PARG: variants seen among roughly 807,000 people sequenced by gnomAD.
PARG encodes the protein mitochondrial poly(ADP-ribose) glycohydrolase.
PARG carries 35 observed loss-of-function variants against 113.0 expected under a neutral mutation model. The observed-to-expected ratio is 0.31, with a 90% CI of 0.24 to 0.41. PARG has a LOEUF of 0.41. PARG is among the 10% of genes least tolerant of loss of function. PARG has a pLI of 1.00. For synonymous variants in PARG, 330 were observed against 409.9 expected, an observed-to-expected ratio of 0.81 and a Z score of 2.36; for missense variants, 797 against 1,169.4, an observed-to-expected ratio of 0.68 and a Z score of 4.64.
chr10:49,896,074 A>T, intron 7 of PARG, among the ~76,000 whole-genome samples: 1 of 152,134 alleles, frequency 6.6e-6, no homozygotes, highest in East Asian at 1.9e-4. Flanking sequence ...ATTTTCAAAC[A>T]TTTTATTTCT....
At chr10:49,858,331 T>TCACA (rs3048417) in intron 12 of PARG, among the ~76,000 whole-genome samples, 32,481 of 144,480 alleles carry the variant, frequency 0.22, 2,592 homozygotes, top group Non-Finnish European at 0.3. Context: ...AGGAGTTAGA[T>TCACA]CACACACACA....
At chr10:49,829,052 T>A (rs1283612070) in intron 16 of PARG, among the ~76,000 whole-genome samples, 1 of 152,056 alleles carries the variant, frequency 6.6e-6, no homozygotes, top group Non-Finnish European at 1.5e-5. Context: ...TTGGCCAACA[T>A]GGTGAGACCC....
intron 4 of PARG, among the ~76,000 whole-genome samples, chr10:49,928,922 T>A (rs190528790): frequency 6.6e-6 from 1 of 152,374 alleles, no homozygotes; most frequent in African/African-American, 2.4e-5. Context: ...TATTCAGGAA[T>A]AAGAATCTAG....
chr10:49,821,890 G>A (rs868986123), intron 16 of PARG, among the ~76,000 whole-genome samples: 100 of 152,218 alleles, frequency 6.6e-4, no homozygotes, highest in African/African-American at 2.3e-3. Flanking sequence ...AAGAACCCAA[G>A]TAACTTACAA....
intron 15 of PARG, among the ~76,000 whole-genome samples, chr10:49,841,168 G>A (rs549182679): frequency 3.0e-4 from 46 of 152,070 alleles, no homozygotes; most frequent in East Asian, 9.7e-4. Flanking sequence ...CAGGAGAATC[G>A]CTTGAACCTG....
chr10:49,823,998 T>G (rs1198670674), intron 16 of PARG, among the ~76,000 whole-genome samples: 6 of 152,156 alleles, frequency 3.9e-5, no homozygotes, highest in African/African-American at 1.4e-4. Context: ...GAGATCCAAG[T>G]TCTATCTTCA....
intron 7 of PARG, among the ~76,000 whole-genome samples, chr10:49,912,581 T>C (rs1376658468): frequency 2.6e-5 from 4 of 152,124 alleles, no homozygotes; most frequent in Non-Finnish European, 5.9e-5. Context: ...GCAAATGGCT[T>C]GAACCCAGGA....
intron 10 of PARG, among the ~76,000 whole-genome samples, 199 bp downstream of exon 10, chr10:49,869,277 C>A (rs529075004): frequency 0.055 from 8,305 of 152,002 alleles, 165 homozygotes; most frequent in Middle Eastern, 0.13. Context: ...GTAAACCCCG[C>A]CCCCCTACAT....
At chr10:49,831,625 A>C (rs559132540) in intron 16 of PARG, among the ~76,000 whole-genome samples, 1 of 152,288 alleles carries the variant, frequency 6.6e-6, no homozygotes, top group East Asian at 1.9e-4. Context: ...CTTCAATGAA[A>C]TCTTTGGTCA....
Position 49,914,441 on chromosome 10 carries a change from T to C in PARG, c.1737+1476A>G, listed in dbSNP as rs572378867. Among the ~76,000 whole-genome samples, 614 of 152,348 alleles carry C rather than the reference T, an allele frequency of 4.0e-3. 7 individuals are homozygous for C. Among genetic ancestry groups the C allele is most frequent in the African/African-American group, 0.014 (568 of 41,588 alleles). ...ACAAGGATAAGTCTTCCATTATTTATGCCTGCCTTGTAAAAGCCATATGGG... is the reference window on the plus strand; with the variant it reads ...ACAAGGATAAGTCTTCCATTATTTACGCCTGCCTTGTAAAAGCCATATGGG... On this transcript the variant is annotated intron_variant, in intron 7 of 17. Transcript: ENST00000616448.
rs1839098922 is a variant in PARG at position 49,941,797 on chromosome 10, T to C, written c.-72A>G. On this transcript the variant is annotated 5_prime_UTR_variant, in exon 1 of 18. Transcript: ENST00000616448. Reference sequence around the variant, plus strand: ...CCTCATTCACTAACCCTGAGAGAGATGGACTGCGCCTCCTTCTCAGCGCCT... The same window carrying C: ...CCTCATTCACTAACCCTGAGAGAGACGGACTGCGCCTCCTTCTCAGCGCCT... 4.6e-6 allele frequency: 7 copies of C among 1,536,168 alleles called. No individual in the cohort carries two copies. Among genetic ancestry groups the C allele is most frequent in the Middle Eastern group, 1.7e-4 (1 of 5,784 alleles).
chr10:49,840,818 C>T (rs933067684), intron 15 of PARG, among the ~76,000 whole-genome samples: 9 of 152,180 alleles, frequency 5.9e-5, no homozygotes, highest in African/African-American at 1.9e-4. Context: ...TAGGAACTGG[C>T]ACACCATGTA....
intron 4 of PARG, among the ~76,000 whole-genome samples, chr10:49,931,245 T>C (rs1216180286): frequency 6.6e-6 from 1 of 152,106 alleles, no homozygotes; most frequent in Non-Finnish European, 1.5e-5. Flanking sequence ...TATAATGTTA[T>C]AATATAATGT....
chr10:49,941,935 C>T lies in PARG; in HGVS notation c.-210G>A. 2.0e-6 allele frequency: 2 copies of T among 993,148 alleles called. No homozygotes were observed. Among genetic ancestry groups the T allele is most frequent in the East Asian group, 2.6e-5 (1 of 38,440 alleles). 61.5% of individuals were successfully genotyped at this position (993,148 alleles called of 1,614,324 possible). A position where few individuals can be genotyped will look rare whatever the true frequency, so the allele number is the denominator to read the frequency against. ...CTTCCCTCTTCCACTGGCACCCCAC[C>T]TGCCTCAATGCGCCGCTTTGATTCG... On this transcript the variant is annotated 5_prime_UTR_variant, in exon 1 of 18. Coordinates refer to ENST00000616448, the MANE Select transcript of PARG (RefSeq NM_003631.5).
intron 14 of PARG, 149 bp downstream of exon 14, chr10:49,843,405 G>A: frequency 1.6e-6 from 1 of 639,672 alleles, no homozygotes; most frequent in Non-Finnish European, 2.8e-6. Context: ...TGTTTTCAAT[G>A]CCAATGAACC....
chr10:49,933,123 C>A, intron 3 of PARG, 54 bp downstream of exon 3: 1 of 1,345,576 alleles, frequency 7.4e-7, no homozygotes, highest in Non-Finnish European at 1.0e-6. Context: ...AACTCCCTTA[C>A]AAAACTATAA....
At chr10:49,918,968 T>C (rs1237368137) in intron 6 of PARG, among the ~76,000 whole-genome samples, 1 of 152,174 alleles carries the variant, frequency 6.6e-6, no homozygotes, top group Non-Finnish European at 1.5e-5. Context: ...ATATGGAGTT[T>C]CGCTCTTTGT....
intron 13 of PARG, among the ~76,000 whole-genome samples, chr10:49,845,173 T>C (rs1162007590): frequency 6.6e-6 from 1 of 152,200 alleles, no homozygotes; most frequent in African/African-American, 2.4e-5. Flanking sequence ...TGGGAGAACA[T>C]AAATTGGTGT....
chr10:49,851,761 CAGA>C (rs1184769999), intron 13 of PARG, among the ~76,000 whole-genome samples: 1 of 100,870 alleles, frequency 9.9e-6, no homozygotes, highest in Non-Finnish European at 2.0e-5. Flanking sequence ...GGATGTTGTA[CAGA>C]AACAAGTAAG....
Sources: allele counts gnomAD v4.1 joint callset (sites outside exome capture counted in the v4.1 genomes callset), GRCh38; gene constraint gnomAD v4.1.1; transcripts MANE v1.5; gene names NCBI Gene and HGNC (gene_info 2026-07-23, HGNC 2026-07-21).